TRIO: variants seen among roughly 807,000 people sequenced by gnomAD.
TRIO encodes the protein triple functional domain protein.
In TRIO, 58 loss-of-function variants were observed where a neutral mutation model predicts 351.9. That is an observed-to-expected ratio of 0.16 (90% CI 0.13 to 0.21). The LOEUF is 0.21. TRIO is among the 10% of genes least tolerant of loss of function. The pLI, the probability that TRIO is intolerant of heterozygous loss-of-function variation, is 1.00. For synonymous variants in TRIO, 1,758 were observed against 1,595.7 expected, an observed-to-expected ratio of 1.10 and a Z score of -2.42; for missense variants, 3,201 against 4,027.8, an observed-to-expected ratio of 0.79 and a Z score of 5.56.
At chr5:14,243,250 C>A (rs954187343) in intron 1 of TRIO, among the ~76,000 whole-genome samples, 1 of 152,124 alleles carries the variant, frequency 6.6e-6, no homozygotes, top group Admixed American at 6.5e-5. Context: ...TTACTCCCCC[C>A]TCCCTCTCCA....
intron 1 of TRIO, among the ~76,000 whole-genome samples, chr5:14,162,740 G>C (rs147179439): frequency 6.6e-6 from 1 of 152,320 alleles, no homozygotes; most frequent in East Asian, 1.9e-4. Flanking sequence ...TGATCATGTA[G>C]ATTCAGGCAG....
At chr5:14,259,309 C>G (rs2152257818) in intron 1 of TRIO, among the ~76,000 whole-genome samples, 1 of 152,102 alleles carries the variant, frequency 6.6e-6, no homozygotes, top group South Asian at 2.1e-4. Flanking sequence ...ACATTTTTAA[C>G]CAGAATGAAA....
chr5:14,388,996 G>A (rs906017889), intron 24 of TRIO, among the ~76,000 whole-genome samples: 30 of 152,100 alleles, frequency 2.0e-4, no homozygotes, highest in African/African-American at 7.0e-4. Context: ...ATTATGACTG[G>A]CAACTAATAC....
intron 19 of TRIO, among the ~76,000 whole-genome samples, chr5:14,376,301 G>T (rs1745552688): frequency 6.6e-6 from 1 of 151,958 alleles, no homozygotes; most frequent in Non-Finnish European, 1.5e-5. Context: ...TAAGTTTTTT[G>T]TTTGTTTCAT....
intron 21 of TRIO, among the ~76,000 whole-genome samples, chr5:14,383,346 G>A (rs1746277974): frequency 6.6e-6 from 1 of 152,190 alleles, no homozygotes. Flanking sequence ...AGGCCATTGT[G>A]TATGGCCAGA....
intron 1 of TRIO, among the ~76,000 whole-genome samples, chr5:14,173,541 G>A (rs533018493): frequency 1.2e-4 from 18 of 152,166 alleles, no homozygotes; most frequent in African/African-American, 4.1e-4. Flanking sequence ...TCTGTGAGCC[G>A]CTAATAAAAA....
chr5:14,198,059 A>G (rs1405397501), intron 1 of TRIO, among the ~76,000 whole-genome samples: 1 of 152,202 alleles, frequency 6.6e-6, no homozygotes, highest in Non-Finnish European at 1.5e-5. Context: ...ACAGAATTGC[A>G]AGAGACCCAC....
rs144655462 is a variant in TRIO, at chr5:14,275,866, G to GTGTA, written c.233-4455_233-4454insGTAT. 4.1e-3 allele frequency among the ~76,000 whole-genome samples: 588 copies of GTGTA among 143,934 alleles called. 2 individuals carry two copies. Among genetic ancestry groups the GTGTA allele is most frequent in the East Asian group, 0.015 (76 of 4,942 alleles). 94.4% of individuals were successfully genotyped at this position (143,934 alleles called of 152,430 possible). On this transcript the variant is annotated intron_variant, in intron 2 of 56. Transcript: ENST00000344204. ...AAAACACAACTCTGTCTCTATGTGT[G>GTGTA]TATATATATATATATATGTTTATAT...
chr5:14,399,438 C>T, intron 30 of TRIO: 1 of 297,320 alleles, frequency 3.4e-6, no homozygotes, highest in East Asian at 5.7e-5. Context: ...CAACCATAAA[C>T]ATTGGAGTAT....
chr5:14,198,273 C>A (rs776741338), intron 1 of TRIO, among the ~76,000 whole-genome samples: 18 of 152,074 alleles, frequency 1.2e-4, no homozygotes, highest in Non-Finnish European at 2.5e-4. Context: ...TTTCACCTGC[C>A]ACTGTATCAT....
intron 2 of TRIO, among the ~76,000 whole-genome samples, chr5:14,278,421 A>G (rs1156965118): frequency 6.6e-6 from 1 of 152,222 alleles, no homozygotes; most frequent in African/African-American, 2.4e-5. Flanking sequence ...TCCCTATGGA[A>G]TCAAACATCA....
At chr5:14,213,150 C>T (rs886184687) in intron 1 of TRIO, among the ~76,000 whole-genome samples, 15 of 152,128 alleles carry the variant, frequency 9.9e-5, no homozygotes, top group Admixed American at 1.3e-4. Flanking sequence ...CTGCTTTGCA[C>T]TTAGAGCGCA....
chr5:14,271,525 G>T (rs1184235908), intron 2 of TRIO, among the ~76,000 whole-genome samples: 1 of 152,170 alleles, frequency 6.6e-6, no homozygotes. Flanking sequence ...CCTCTCTTCT[G>T]CACATAGTCA....
intron 34 of TRIO, among the ~76,000 whole-genome samples, chr5:14,434,249 G>A (rs1229464418): frequency 1.3e-5 from 2 of 152,134 alleles, no homozygotes; most frequent in Non-Finnish European, 2.9e-5. Flanking sequence ...ATTGACTATT[G>A]TAATTTTGTT....
chr5:14,420,368 T>A (rs1579603690), intron 34 of TRIO: 2 of 228,182 alleles, frequency 8.8e-6, no homozygotes, highest in Admixed American at 1.1e-4. Flanking sequence ...CTGGAGGCCA[T>A]CCCCTGGCTC....
intron 1 of TRIO, among the ~76,000 whole-genome samples, chr5:14,192,278 A>G (rs1581317902): frequency 6.6e-6 from 1 of 151,182 alleles, no homozygotes; most frequent in Middle Eastern, 3.4e-3. Flanking sequence ...TTTTCCCCCA[A>G]GAACAGAGTC....
intron 56 of TRIO, 32 bp downstream of exon 56, chr5:14,507,292 T>A (rs1384431358): frequency 6.2e-7 from 1 of 1,608,200 alleles, no homozygotes; most frequent in Non-Finnish European, 8.5e-7. Flanking sequence ...TGAAGGGGGG[T>A]CTGAGCACAC....
chr5:14,387,371 A>T, intron 21 of TRIO, 67 bp from the exon 22 acceptor site: 1 of 1,500,772 alleles, frequency 6.7e-7, no homozygotes, highest in Non-Finnish European at 9.0e-7. Flanking sequence ...TCAAGTCGCC[A>T]CTGTGTTTGA....
At chr5:14,187,111 C>T (rs1348992390) in intron 1 of TRIO, among the ~76,000 whole-genome samples, 3 of 152,156 alleles carry the variant, frequency 2.0e-5, no homozygotes, top group African/African-American at 7.2e-5. Flanking sequence ...TGAACCAGAA[C>T]CTGATGCTAG....
Sources: gnomAD v4.1 joint callset for allele counts (sites outside exome capture counted in the v4.1 genomes callset) on GRCh38, gnomAD v4.1.1 for gene constraint, MANE v1.5 for transcripts, NCBI Gene and HGNC (gene_info 2026-07-23, HGNC 2026-07-21) for gene names.